Variants in PCDHA2 observed in about 807,000 individuals in gnomAD.
PCDHA2 encodes protocadherin alpha-2.
In PCDHA2, 58 loss-of-function variants were observed where a neutral mutation model predicts 66.0. The observed-to-expected ratio is 0.88, with a 90% confidence interval of 0.71 to 1.09. The LOEUF (loss-of-function observed/expected upper bound fraction) is 1.09, where lower values mean the gene tolerates loss of function less well. Among genes scored for constraint, PCDHA2 ranks in the 50% least tolerant of loss-of-function variants. PCDHA2 has a pLI of 0.00. For missense variants in PCDHA2, 1,267 were observed against 1,242.3 expected, an observed-to-expected ratio of 1.02 and a Z score of -0.30; for synonymous variants, 634 against 554.0, an observed-to-expected ratio of 1.14 and a Z score of -2.03.
intron 1 of PCDHA2, chr5:140,824,152 A>G (rs184380215): frequency 1.9e-6 from 3 of 1,611,614 alleles, no homozygotes; most frequent in Middle Eastern, 1.7e-4. Context: ...ATTAACATCC[A>G]TCTTTCCCTC....
At chr5:140,824,292 T>G in intron 1 of PCDHA2, 1 of 942,046 alleles carries the variant, frequency 1.1e-6, no homozygotes, top group South Asian at 1.6e-5. Context: ...TATGAGGCTT[T>G]TCTGCTGGGG....
chr5:140,851,850 C>T (rs2042178583), intron 1 of PCDHA2: 1 of 971,904 alleles, frequency 1.0e-6, no homozygotes, highest in South Asian at 4.8e-5. Context: ...TTTTTCTCCT[C>T]TCAGCTCATA....
At chr5:140,801,802 G>A (rs782120718) in intron 1 of PCDHA2, 1 of 1,613,964 alleles carries the variant, frequency 6.2e-7, no homozygotes, top group Non-Finnish European at 8.5e-7. Context: ...AATTTAAATC[G>A]AGAGGACACT....
At chr5:140,824,187 C>T (rs2150133010) in intron 1 of PCDHA2, 10 of 1,603,156 alleles carry the variant, frequency 6.2e-6, no homozygotes, top group African/African-American at 1.3e-5. Context: ...TTAAATGTCA[C>T]ATTCACCCAC....
intron 1 of PCDHA2, chr5:140,825,341 T>TATATCTAATATATATTAGATATATAA (rs1768513170): frequency 6.9e-6 from 1 of 145,948 alleles, no homozygotes; most frequent in South Asian, 2.1e-4. Flanking sequence ...TATTTTTCAA[T>TATATCTAATATATATTAGATATATAA]ATATCTAATA....
chr5:140,829,838 C>G, intron 1 of PCDHA2: 2 of 1,613,924 alleles, frequency 1.2e-6, no homozygotes, highest in Non-Finnish European at 8.5e-7. Context: ...GCTGGTGCCG[C>G]GGTCACTGGG....
chr5:140,948,517 C>A (rs2094265494), intron 1 of PCDHA2, among the ~76,000 whole-genome samples: 1 of 151,496 alleles, frequency 6.6e-6, no homozygotes. Flanking sequence ...AAAATGTTAA[C>A]ACTATTTATA....
At chr5:140,894,133 A>G (rs782349927) in intron 1 of PCDHA2, among the ~76,000 whole-genome samples, 14 of 152,166 alleles carry the variant, frequency 9.2e-5, no homozygotes, top group Non-Finnish European at 1.8e-4. Flanking sequence ...ATAACTTGAA[A>G]TAATTCCCTT....
At chr5:140,870,794 T>C in intron 1 of PCDHA2, 2 of 1,613,684 alleles carry the variant, frequency 1.2e-6, no homozygotes, top group South Asian at 2.2e-5. Context: ...GCGCCGGCAC[T>C]GCTGGCGACT....
chr5:140,863,149 G>T, intron 1 of PCDHA2: 1 of 617,002 alleles, frequency 1.6e-6, no homozygotes, highest in Non-Finnish European at 3.1e-6. Context: ...GCTGGTGAAG[G>T]ACCACTGCGA....
chr5:140,938,957 C>T (rs1435245997), intron 1 of PCDHA2, among the ~76,000 whole-genome samples: 2 of 152,040 alleles, frequency 1.3e-5, no homozygotes, highest in African/African-American at 2.4e-5. Context: ...ATGCTCTAGT[C>T]GGAGTTTGGC....
chr5:140,833,091 C>T (rs2150206226), intron 1 of PCDHA2, among the ~76,000 whole-genome samples: 72,266 of 151,896 alleles, frequency 0.48, 17,794 homozygotes, highest in Middle Eastern at 0.61. Flanking sequence ...GAGTACTAGA[C>T]GAGTAATTTT....
chr5:140,817,485 T>C (rs1211625113), intron 1 of PCDHA2: 1 of 152,254 alleles, frequency 6.6e-6, no homozygotes, highest in Non-Finnish European at 1.5e-5. Context: ...GTTATCTTTT[T>C]AAGCTATATA....
intron 1 of PCDHA2, chr5:140,809,188 G>T (rs372654960): frequency 4.8e-5 from 78 of 1,613,914 alleles, no homozygotes; most frequent in Non-Finnish European, 6.4e-5. Context: ...CTGTGCTGGT[G>T]TCACTTGTGG....
At chr5:140,870,771 C>A (rs370490786) in intron 1 of PCDHA2, 1 of 1,613,466 alleles carries the variant, frequency 6.2e-7, no homozygotes, top group Non-Finnish European at 8.5e-7. Context: ...TCGTGCTGGA[C>A]GAGAACGACA....
intron 1 of PCDHA2, chr5:140,828,564 C>T: frequency 6.2e-7 from 1 of 1,614,226 alleles, no homozygotes. Flanking sequence ...GAGGGCGCGT[C>T]CGATGCAGAT....
rs2150408028 is a variant in PCDHA2, at chr5:140,848,285, C to G, written c.2388+50933C>G. 1.1e-4 allele frequency: 65 copies of G among 617,022 alleles called. 3 individuals carry two copies. The South Asian group carries it at 1.4e-3, about 14-fold the overall frequency. The allele number at this position is 617,022 out of a possible 1,614,324, so 38.2% of individuals were successfully genotyped here. On this transcript the variant is annotated intron_variant, in intron 1 of 3. Transcript: ENST00000526136. The stretch of plus-strand genomic sequence containing the variant: ...TTTATTCATGAAATATGTACTTACA[C>G]TTTGGGCCACGTGATGTCACTCTTT...
intron 1 of PCDHA2, chr5:140,966,591 C>A (rs2096024240): frequency 1.7e-6 from 1 of 588,704 alleles, no homozygotes; most frequent in Non-Finnish European, 2.7e-6. Flanking sequence ...GACGGTGGGG[C>A]CAGGAGCCCT....
intron 1 of PCDHA2, among the ~76,000 whole-genome samples, chr5:140,887,879 A>G (rs956379948): frequency 1.3e-5 from 2 of 152,154 alleles, no homozygotes; most frequent in South Asian, 4.1e-4. Context: ...TTCCTTTTGT[A>G]GTATCATATC....
Sources: gnomAD v4.1 joint callset for allele counts (sites outside exome capture counted in the v4.1 genomes callset) on GRCh38, gnomAD v4.1.1 for gene constraint, MANE v1.5 for transcripts, NCBI Gene and HGNC (gene_info 2026-07-23, HGNC 2026-07-21) for gene names.